Variants in DOCK8 observed in about 807,000 individuals in gnomAD.
DOCK8 encodes dedicator of cytokinesis protein 8.
Under a neutral mutation model 245.6 loss-of-function variants are expected in DOCK8, and 141 were observed. That is an observed-to-expected ratio of 0.57 (90% CI 0.50 to 0.66). The LOEUF (loss-of-function observed/expected upper bound fraction) is 0.66. Ranked by LOEUF, DOCK8 falls within the 30% of genes least tolerant of loss-of-function variation. The pLI, the probability that DOCK8 is intolerant of heterozygous loss-of-function variation, is 0.00. For synonymous variants in DOCK8, 1,168 were observed against 970.2 expected (o/e 1.20, Z -3.79); for missense variants, 2,965 against 2,603.4 (o/e 1.14, Z -3.02).
chr9:215,249 C>G (rs748597119), intron 1 of DOCK8: 3 of 1,591,546 alleles, frequency 1.9e-6, no homozygotes, highest in South Asian at 1.1e-5. Flanking sequence ...CCAAGAATCT[C>G]GGTGCTCCTG....
chr9:439,965 A>T (rs1386167564), intron 40 of DOCK8, among the ~76,000 whole-genome samples: 1 of 152,168 alleles, frequency 6.6e-6, no homozygotes, highest in African/African-American at 2.4e-5. Context: ...CTAGAAAAAT[A>T]TATAGAGAGA....
chr9:409,946 T>G lies in DOCK8; in HGVS notation c.3530+2877T>G, dbSNP rs552774535. On this transcript the variant is annotated intron_variant, in intron 28 of 47. Coordinates refer to ENST00000432829, the MANE Select transcript of DOCK8 (RefSeq NM_203447.4). Reference sequence around the variant, plus strand: ...ACATTTTCTTAATCCAGTCTACCATTGATGGACATTTGGGTTGGTTCCAAG... The same window carrying G: ...ACATTTTCTTAATCCAGTCTACCATGGATGGACATTTGGGTTGGTTCCAAG... Among the ~76,000 whole-genome samples the G allele has an allele frequency of 1.6e-4, 25 of 152,282 alleles. 2 individuals carry two copies. The Middle Eastern group carries it at 0.01, about 62-fold the overall frequency.
At chr9:460,739 T>G (rs557392884) in intron 46 of DOCK8, among the ~76,000 whole-genome samples, 22 of 152,344 alleles carry the variant, frequency 1.4e-4, no homozygotes, top group African/African-American at 5.3e-4. Flanking sequence ...TGGTGCTAAG[T>G]TTATTTTTGC....
At chr9:386,600 C>T (rs1222743492) in intron 23 of DOCK8, among the ~76,000 whole-genome samples, 174 bp downstream of exon 23, 2 of 152,196 alleles carry the variant, frequency 1.3e-5, no homozygotes, top group African/African-American at 4.8e-5. Flanking sequence ...CACATTTGAC[C>T]ACCTAATTGC....
intron 42 of DOCK8, 32 bp downstream of exon 42, chr9:442,041 G>T (rs768416158): frequency 6.2e-7 from 1 of 1,612,720 alleles, no homozygotes; most frequent in South Asian, 1.1e-5. Context: ...GCCTGACCTG[G>T]TACACTTTAC....
intron 14 of DOCK8, among the ~76,000 whole-genome samples, chr9:353,950 G>A (rs955849007): frequency 6.6e-6 from 1 of 152,062 alleles, no homozygotes; most frequent in Non-Finnish European, 1.5e-5. Flanking sequence ...TGGAACCAAG[G>A]AAAAATTATT....
intron 4 of DOCK8, among the ~76,000 whole-genome samples, chr9:292,141 C>T (rs1335278831): frequency 1.4e-5 from 2 of 145,206 alleles, no homozygotes; most frequent in African/African-American, 5.1e-5. Flanking sequence ...GAGGCCAAGA[C>T]GGGTGGATCA....
chr9:441,421 G>C lies in DOCK8; in HGVS notation c.5355+4G>C. 6.2e-7 allele frequency: 1 copy of C among 1,614,154 alleles called. No individual in the cohort carries two copies. Among genetic ancestry groups the C allele is most frequent in the Non-Finnish European group, 8.5e-7 (1 of 1,180,024 alleles). Reference sequence around the variant, plus strand: ...CTTCGACAGCATCGTTAACAAGGTAGCCGGGGAGCCTGGCTGGCAGGTCTT... The same window carrying C: ...CTTCGACAGCATCGTTAACAAGGTACCCGGGGAGCCTGGCTGGCAGGTCTT... On this transcript the variant is annotated splice_donor_region_variant and intron_variant, in intron 41 of 47. Transcript: ENST00000432829.
chr9:323,302 C>T (rs1350074690), intron 7 of DOCK8, among the ~76,000 whole-genome samples: 2 of 137,624 alleles, frequency 1.5e-5, no homozygotes, highest in Non-Finnish European at 3.1e-5. Context: ...CGGCTCACTG[C>T]AACTTCTGCC....
intron 5 of DOCK8, among the ~76,000 whole-genome samples, chr9:308,696 C>T (rs1338391159): frequency 2.0e-5 from 3 of 152,260 alleles, no homozygotes; most frequent in East Asian, 1.9e-4. Context: ...CTTGCTCTGT[C>T]GCCTAGGCTG....
intron 8 of DOCK8, among the ~76,000 whole-genome samples, chr9:327,635 A>G (rs1028136550): frequency 3.3e-5 from 5 of 152,048 alleles, no homozygotes; most frequent in African/African-American, 1.2e-4. Flanking sequence ...GAGCTCAAGC[A>G]ATGTGCCCGC....
At chr9:285,915 T>G (rs1475993927) in intron 2 of DOCK8, among the ~76,000 whole-genome samples, 1 of 152,174 alleles carries the variant, frequency 6.6e-6, no homozygotes, top group Non-Finnish European at 1.5e-5. Flanking sequence ...CCTGGATTGT[T>G]TCAGCCACCG....
chr9:248,431 T>G (rs925110102), intron 1 of DOCK8, among the ~76,000 whole-genome samples: 2 of 145,664 alleles, frequency 1.4e-5, no homozygotes, highest in Non-Finnish European at 3.1e-5. Flanking sequence ...ATTTTTCCCT[T>G]CCTTCTGTCT....
intron 22 of DOCK8, 37 bp from the exon 23 acceptor site, chr9:386,294 G>T: frequency 6.4e-7 from 1 of 1,570,404 alleles, no homozygotes; most frequent in South Asian, 1.1e-5. Flanking sequence ...CCTTTCCATG[G>T]TTGGTTGACT....
intron 25 of DOCK8, among the ~76,000 whole-genome samples, chr9:398,688 A>G (rs1483384909): frequency 2.0e-5 from 3 of 152,180 alleles, no homozygotes; most frequent in Admixed American, 2.0e-4. Flanking sequence ...TAAATTTCTT[A>G]GGTAAAAACT....
intron 1 of DOCK8, among the ~76,000 whole-genome samples, chr9:260,005 A>G (rs1266715195): frequency 1.3e-5 from 2 of 152,230 alleles, no homozygotes; most frequent in African/African-American, 4.8e-5. Flanking sequence ...TAACCACACC[A>G]TTGTGGGCAC....
At chr9:340,554 G>T in intron 14 of DOCK8, 1 of 480,576 alleles carries the variant, frequency 2.1e-6, no homozygotes, top group South Asian at 2.0e-5. Context: ...CCAGGAGGCA[G>T]AGGTTGCAGT....
At chr9:274,465 C>CTTTTTTTTTTTTTTTTT (rs71312800) in intron 2 of DOCK8, among the ~76,000 whole-genome samples, 1 of 144,970 alleles carries the variant, frequency 6.9e-6, no homozygotes, top group Non-Finnish European at 1.5e-5. Context: ...GGATTGAATT[C>CTTTTTTTTTTTTTTTTT]TTTTTTTTTT....
At chr9:275,875 C>T (rs2048326889) in intron 2 of DOCK8, among the ~76,000 whole-genome samples, 1 of 145,114 alleles carries the variant, frequency 6.9e-6, no homozygotes, top group Non-Finnish European at 1.5e-5. Context: ...AGGCATGAGC[C>T]ACTGGGCCCG....
Sources: allele counts gnomAD v4.1 joint callset (sites outside exome capture counted in the v4.1 genomes callset), GRCh38; gene constraint gnomAD v4.1.1; transcripts MANE v1.5; gene names NCBI Gene and HGNC (gene_info 2026-07-23, HGNC 2026-07-21).